Variants in TCF12 observed in about 807,000 individuals in gnomAD.
TCF12 encodes DNA-binding protein HTF4.
Under a neutral mutation model 86.0 loss-of-function variants are expected in TCF12, and 45 were observed. That is an observed-to-expected ratio of 0.52 (90% CI 0.41 to 0.67). The LOEUF (loss-of-function observed/expected upper bound fraction) is 0.67. Among genes scored for constraint, TCF12 ranks in the 30% least tolerant of loss-of-function variants. The pLI, the probability that TCF12 is intolerant of heterozygous loss-of-function variation, is 0.00. For synonymous variants in TCF12, 330 were observed against 299.6 expected, an observed-to-expected ratio of 1.10 and a Z score of -1.05; for missense variants, 881 against 859.9, an observed-to-expected ratio of 1.02 and a Z score of -0.31.
intron 5 of TCF12, among the ~76,000 whole-genome samples, chr15:57,112,939 A>T (rs1340546986): frequency 6.6e-6 from 1 of 152,212 alleles, no homozygotes; most frequent in East Asian, 1.9e-4. Flanking sequence ...TAACTAAAAC[A>T]TGATTTTCAG....
intron 8 of TCF12, among the ~76,000 whole-genome samples, chr15:57,210,809 T>G (rs1322961045): frequency 6.6e-6 from 1 of 152,232 alleles, no homozygotes; most frequent in African/African-American, 2.4e-5. Flanking sequence ...TACTTTATCC[T>G]GTAAACTTTC....
chr15:56,996,910 A>C (rs1222618930), intron 3 of TCF12, among the ~76,000 whole-genome samples: 1 of 152,256 alleles, frequency 6.6e-6, no homozygotes, highest in Non-Finnish European at 1.5e-5. Context: ...ATTCCTATCA[A>C]AACCACAATG....
intron 6 of TCF12, among the ~76,000 whole-genome samples, chr15:57,190,106 G>C (rs1346199593): frequency 1.3e-5 from 2 of 152,178 alleles, no homozygotes; most frequent in African/African-American, 4.8e-5. Context: ...GTGCTTAATG[G>C]ATCTGGAATT....
chr15:57,069,149 G>C (rs2733185), intron 4 of TCF12, among the ~76,000 whole-genome samples: 2 of 151,708 alleles, frequency 1.3e-5, no homozygotes, highest in African/African-American at 4.8e-5. Context: ...ATCCTGGGGT[G>C]GGAGTAGGAG....
intron 3 of TCF12, among the ~76,000 whole-genome samples, chr15:56,988,148 T>C (rs1280050061): frequency 1.3e-5 from 2 of 152,190 alleles, no homozygotes; most frequent in East Asian, 1.9e-4. Flanking sequence ...TTTTAAAAGA[T>C]AGTAACATTT....
intron 6 of TCF12, among the ~76,000 whole-genome samples, chr15:57,173,953 G>A (rs375377660): frequency 1.2e-4 from 18 of 151,930 alleles, no homozygotes; most frequent in African/African-American, 3.4e-4. Context: ...TGATCCCCCC[G>A]CCTCAGCCTC....
At chr15:57,225,856 CAT>C (rs1491421582) in intron 8 of TCF12, among the ~76,000 whole-genome samples, 1 of 110,878 alleles carries the variant, frequency 9.0e-6, no homozygotes, top group African/African-American at 4.1e-5. Context: ...TTTATTTATT[CAT>C]TTTTTTTTTC....
intron 3 of TCF12, among the ~76,000 whole-genome samples, chr15:56,931,043 C>T (rs959066276): frequency 9.2e-5 from 14 of 152,098 alleles, no homozygotes; most frequent in Admixed American, 7.9e-4. Flanking sequence ...AGATCTGTCT[C>T]TCTCTCTCTC....
intron 3 of TCF12, among the ~76,000 whole-genome samples, chr15:56,956,125 GTTTA>G (rs2061496476): frequency 6.6e-6 from 1 of 151,746 alleles, no homozygotes; most frequent in Non-Finnish European, 1.5e-5. Flanking sequence ...CTAAAGAACA[GTTTA>G]TTTATTTTTA....
At chr15:57,274,632 A>G (rs1198187540) in intron 19 of TCF12, among the ~76,000 whole-genome samples, 1 of 152,098 alleles carries the variant, frequency 6.6e-6, no homozygotes, top group Non-Finnish European at 1.5e-5. Context: ...CTCGCTCTGA[A>G]GGCAGCAAGG....
intron 18 of TCF12, among the ~76,000 whole-genome samples, chr15:57,270,641 C>T (rs1396859228): frequency 1.3e-5 from 2 of 152,102 alleles, no homozygotes; most frequent in African/African-American, 4.8e-5. Context: ...GGAGAAGAGG[C>T]GTTCTGGCTT....
At chr15:57,135,501 G>C (rs1340575458) in intron 5 of TCF12, among the ~76,000 whole-genome samples, 2 of 152,096 alleles carry the variant, frequency 1.3e-5, no homozygotes, top group African/African-American at 4.8e-5. Context: ...AAAGTTGTCT[G>C]TATCAACCTT....
intron 3 of TCF12, among the ~76,000 whole-genome samples, chr15:57,059,984 C>T (rs1436549541): frequency 6.6e-6 from 1 of 152,012 alleles, no homozygotes; most frequent in Non-Finnish European, 1.5e-5. Context: ...GGGAGTAGAG[C>T]ATAAGAAGGT....
chr15:57,267,861 G>T (rs2060941819), intron 18 of TCF12, among the ~76,000 whole-genome samples: 2 of 152,158 alleles, frequency 1.3e-5, no homozygotes, highest in Admixed American at 6.5e-5. Flanking sequence ...AAGTCTTTGA[G>T]CTCAGTTTCT....
chr15:57,162,084 A>G (rs1371692231), intron 5 of TCF12, among the ~76,000 whole-genome samples: 1 of 152,228 alleles, frequency 6.6e-6, no homozygotes, highest in Non-Finnish European at 1.5e-5. Flanking sequence ...AAAACCCTGT[A>G]TTAGACTATC....
intron 6 of TCF12, among the ~76,000 whole-genome samples, chr15:57,168,157 A>G (rs1597003891): frequency 6.6e-6 from 1 of 152,204 alleles, no homozygotes; most frequent in East Asian, 1.9e-4. Flanking sequence ...AAAAAAAAAT[A>G]AATAAAAACA....
At chr15:57,108,478 T>A (rs2050277201) in intron 5 of TCF12, among the ~76,000 whole-genome samples, 1 of 152,120 alleles carries the variant, frequency 6.6e-6, no homozygotes, top group Non-Finnish European at 1.5e-5. Context: ...TCCCTTTTTC[T>A]CCCCTAAAAT....
intron 3 of TCF12, among the ~76,000 whole-genome samples, chr15:57,007,920 CTTTG>C (rs1456633111): frequency 8.1e-5 from 9 of 110,882 alleles, no homozygotes; most frequent in Middle Eastern, 5.3e-3. Flanking sequence ...CTTCCTCTTT[CTTTG>C]TTTCTTTGTT....
At chr15:57,267,920 C>T (rs557985864) in intron 18 of TCF12, among the ~76,000 whole-genome samples, 1 of 152,238 alleles carries the variant, frequency 6.6e-6, no homozygotes, top group Admixed American at 6.5e-5. Flanking sequence ...TAGGAATAAC[C>T]TGAAAATGAT....
Sources: allele counts gnomAD v4.1 joint callset (sites outside exome capture counted in the v4.1 genomes callset), GRCh38; gene constraint gnomAD v4.1.1; transcripts MANE v1.5; gene names NCBI Gene and HGNC (gene_info 2026-07-23, HGNC 2026-07-21).